Variants in DET1 observed in about 807,000 individuals in gnomAD.
DET1 encodes DET1 partner of COP1 E3 ubiquitin ligase, also known as DET1 homolog.
Under a neutral mutation model 43.7 loss-of-function variants are expected in DET1, and 22 were observed. The ratio of observed to expected loss-of-function variants is 0.50; its 90% CI spans 0.36 to 0.72. The LOEUF (loss-of-function observed/expected upper bound fraction) is 0.72. Among genes scored for constraint, DET1 ranks in the 30% least tolerant of loss-of-function variants. DET1 has a pLI of 0.00. For synonymous variants in DET1, 315 were observed against 266.2 expected, an observed-to-expected ratio of 1.18 and a Z score of -1.79; for missense variants, 713 against 713.3, an observed-to-expected ratio of 1.00 and a Z score of 0.00.
At chr15:88,527,343 T>C (rs967452936) in intron 3 of DET1, among the ~76,000 whole-genome samples, 3 of 152,226 alleles carry the variant, frequency 2.0e-5, no homozygotes, top group African/African-American at 7.2e-5. Context: ...CCACTGAAGA[T>C]ATAGCAATAC....
intron 1 of DET1, among the ~76,000 whole-genome samples, chr15:88,544,445 C>T (rs944179430): frequency 6.6e-6 from 1 of 152,180 alleles, no homozygotes; most frequent in East Asian, 1.9e-4. Context: ...ATATCACAAG[C>T]TAATTTATTA....
chr15:88,512,672 G>A lies in DET1; in HGVS notation c.*279C>T. ...GCTTTCATCTTCACAGCAATCAAAT[G>A]CAAAGTAAAGCAAAAATGAAATGGA... On this transcript the variant is annotated 3_prime_UTR_variant, in exon 5 of 5. Transcript: ENST00000268148. The A allele has an allele frequency of 8.5e-7, 1 of 1,175,712 alleles. No individual in the cohort carries two copies. Among genetic ancestry groups the A allele is most frequent in the Non-Finnish European group, 1.1e-6 (1 of 950,744 alleles). The allele number at this position is 1,175,712 out of a possible 1,614,324, so 72.8% of individuals were successfully genotyped here.
chr15:88,509,565 G>T (rs76982662), downstream of DET1, among the ~76,000 whole-genome samples: 1,065 of 152,324 alleles, frequency 7.0e-3, 12 homozygotes, highest in African/African-American at 0.023. Flanking sequence ...AGGCAGAACA[G>T]CAAGGAAGTT....
intron 3 of DET1, among the ~76,000 whole-genome samples, chr15:88,520,939 G>A (rs1033871465): frequency 6.6e-5 from 10 of 152,114 alleles, no homozygotes; most frequent in Non-Finnish European, 8.8e-5. Context: ...CACCCTACCT[G>A]CCTACATTCT....
chr15:88,543,987 ACAAATAG>A (rs1231807893), intron 1 of DET1, among the ~76,000 whole-genome samples: 1 of 152,200 alleles, frequency 6.6e-6, no homozygotes, highest in Non-Finnish European at 1.5e-5. Flanking sequence ...CGGGCTAGGT[ACAAATAG>A]CTTCTAGTAC....
At chr15:88,534,525 G>C (rs186264832) in intron 1 of DET1, among the ~76,000 whole-genome samples, 22 of 152,300 alleles carry the variant, frequency 1.4e-4, no homozygotes, top group African/African-American at 5.3e-4. Flanking sequence ...GACCCCAGTG[G>C]AACCAGAAGG....
intron 1 of DET1, among the ~76,000 whole-genome samples, chr15:88,534,109 C>G (rs954560029): frequency 1.3e-5 from 2 of 151,982 alleles, no homozygotes; most frequent in African/African-American, 4.8e-5. Context: ...AAATGTTAGG[C>G]TATTTTAAAA....
chr15:88,535,295 C>A (rs1454887232), intron 1 of DET1, among the ~76,000 whole-genome samples: 1 of 151,748 alleles, frequency 6.6e-6, no homozygotes, highest in African/African-American at 2.4e-5. Flanking sequence ...GTCAGTCACC[C>A]TGAAGATAGA....
intron 7 of DET1, among the ~76,000 whole-genome samples, chr15:88,507,326 T>G (rs1223955230): frequency 6.6e-6 from 1 of 152,174 alleles, no homozygotes; most frequent in African/African-American, 2.4e-5. Context: ...AACTAGCATG[T>G]CTAAAACTAC....
intron 3 of DET1, among the ~76,000 whole-genome samples, chr15:88,520,837 A>G (rs1162590702): frequency 6.6e-6 from 1 of 152,256 alleles, no homozygotes; most frequent in African/African-American, 2.4e-5. Context: ...AGTTGACAGT[A>G]AAGAACTTAA....
chr15:88,521,421 ACTC>A (rs1282011631), intron 3 of DET1, among the ~76,000 whole-genome samples: 1 of 152,016 alleles, frequency 6.6e-6, no homozygotes, highest in Non-Finnish European at 1.5e-5. Context: ...CTTTTCTTGG[ACTC>A]CTCCACTTTC....
chr15:88,502,791 G>C (rs1373946271), intron 8 of DET1: 1 of 152,274 alleles, frequency 6.6e-6, no homozygotes, highest in Non-Finnish European at 1.5e-5. Context: ...AGTTGAGAGA[G>C]AGGACAAGGC....
chr15:88,524,552 G>C (rs1046814615), intron 3 of DET1, among the ~76,000 whole-genome samples: 1 of 152,256 alleles, frequency 6.6e-6, no homozygotes, highest in African/African-American at 2.4e-5. Flanking sequence ...AGAGAGATCA[G>C]ATTGTTACTG....
rs1348953384 is a variant in DET1 at position 88,504,463 on chromosome 15, A to G, written c.*2066-476T>C. 6.6e-6 allele frequency: 1 copy of G among 152,138 alleles called. No individual in the cohort carries two copies. The highest frequency in any genetic ancestry group is 1.9e-4 in the East Asian group (1 of 5,196). 9.4% of individuals were successfully genotyped at this position (152,138 alleles called of 1,614,324 possible). A position where few individuals can be genotyped will look rare whatever the true frequency, so the allele number is the denominator to read the frequency against. ...CACTCTAAGAACAAATTAAACCATG[A>G]CAATGCTTATTGCTTGGAATCATTT... On this transcript the variant is annotated intron_variant and NMD_transcript_variant, in intron 7 of 8. Transcript: ENST00000557842. The surrounding 1 kb of genome is among the most constrained non-coding windows in gnomAD (Gnocchi z 4.7).
Position 88,512,859 on chromosome 15 carries a change from G to A in DET1, c.*92C>T. ...GGTATAGCAGGCTGGAACTAACAGA[G>A]CTAGTAGTCGGGAGCTTTTGCTTTG... On this transcript the variant is annotated 3_prime_UTR_variant, in exon 5 of 5. Coordinates refer to ENST00000268148, the MANE Select transcript of DET1 (RefSeq NM_001144074.3). 1.3e-6 allele frequency: 2 copies of A among 1,535,820 alleles called. No individual in the cohort carries two copies. The highest frequency in any genetic ancestry group is 1.3e-5 in the South Asian group (1 of 77,710).
chr15:88,508,058 C>T (rs150483375), downstream of DET1, among the ~76,000 whole-genome samples: 230 of 152,286 alleles, frequency 1.5e-3, 5 homozygotes, highest in South Asian at 0.038. Context: ...AGGTTGTGCG[C>T]TCCTTATGAG....
Position 88,531,532 on chromosome 15 carries a change from A to C in DET1, c.174T>G (p.Pro58=). 6.2e-7 allele frequency: 1 copy of C among 1,614,008 alleles called. No homozygotes were observed. Among genetic ancestry groups the C allele is most frequent in the Non-Finnish European group, 8.5e-7 (1 of 1,179,898 alleles). ...GTGAGAATTTACGCAAGAAACAAGG[A>C]GGCTTTTCAACGTTGACAACTGTGA... ...PNFTVVNVEK[P]PCFLRKFSPD... The change falls in exon 2 of 5, where the codon CCT becomes CCG. Residue 58 remains proline (P), a synonymous_variant. Transcript: ENST00000268148. The surrounding 1 kb of genome is among the most constrained non-coding windows in gnomAD (Gnocchi z 6.2).
intron 1 of DET1, chr15:88,536,504 G>T: frequency 1.9e-6 from 1 of 540,166 alleles, no homozygotes; most frequent in Admixed American, 3.5e-5. Flanking sequence ...AACTGGCCGG[G>T]TGCAGTGGCT....
Position 88,530,633 on chromosome 15 carries a change from T to A in DET1, c.1073A>T (p.Asp358Val), listed in dbSNP as rs770760202. The change falls in exon 2 of 5, where the codon GAT becomes GTT. Residue 358 changes from aspartate to valine, a missense_variant. Transcript: ENST00000268148. ...GAGTGTACCTCATACCTGTGATGGA[T>A]CTGTGACTCGCAGTGTTACTACATC... ...SEDVVTLRVT[D>V]PSQASFFVVY... is the part of the protein sequence containing the mutation. 1.0e-5 allele frequency: 16 copies of A among 1,604,296 alleles called. No individual in the cohort carries two copies. In the African/African-American group the frequency reaches 1.7e-4, roughly 17 times the overall value.
Sources: allele counts gnomAD v4.1 joint callset (sites outside exome capture counted in the v4.1 genomes callset), GRCh38; gene constraint gnomAD v4.1.1; non-coding constraint Gnocchi (gnomAD v3.1); transcripts MANE v1.5; gene names NCBI Gene and HGNC (gene_info 2026-07-23, HGNC 2026-07-21).